Variants in SMARCC1 observed in about 807,000 individuals in gnomAD.
SMARCC1 encodes SWI/SNF complex subunit SMARCC1.
A neutral mutation model predicts 147.4 loss-of-function variants in SMARCC1; 43 were observed. The ratio of observed to expected loss-of-function variants is 0.29; its 90% CI spans 0.23 to 0.38. The LOEUF is 0.38. Among genes scored for constraint, SMARCC1 ranks in the 10% least tolerant of loss-of-function variants. The pLI is 1.00. For synonymous variants in SMARCC1, 495 were observed against 484.4 expected, an observed-to-expected ratio of 1.02 and a Z score of -0.29; for missense variants, 1,119 against 1,381.1, an observed-to-expected ratio of 0.81 and a Z score of 3.01.
intron 2 of SMARCC1, among the ~76,000 whole-genome samples, chr3:47,758,792 G>T (rs1464302231): frequency 6.6e-6 from 1 of 152,076 alleles, no homozygotes; most frequent in East Asian, 1.9e-4. Context: ...CCTACGTTTT[G>T]GGAGGCTGAG....
intron 2 of SMARCC1, among the ~76,000 whole-genome samples, chr3:47,750,467 T>C (rs2034617048): frequency 6.6e-6 from 1 of 152,062 alleles, no homozygotes; most frequent in Admixed American, 6.6e-5. Flanking sequence ...AATAGACTAA[T>C]GTAATAGGTG....
At chr3:47,780,213 C>T (rs1430016940) in intron 1 of SMARCC1, among the ~76,000 whole-genome samples, 1 of 90,828 alleles carries the variant, frequency 1.1e-5, no homozygotes, top group African/African-American at 4.2e-5. Flanking sequence ...ACTTTATTAC[C>T]TAGGCTGGAG....
Position 47,706,504 on chromosome 3 carries a change from A to C in SMARCC1, c.945T>G (p.Asp315Glu), listed in dbSNP as rs189534174. The C allele has an allele frequency of 1.3e-6, 2 of 1,583,258 alleles. No individual in the cohort carries two copies. Among genetic ancestry groups the C allele is most frequent in the Non-Finnish European group, 1.7e-6 (2 of 1,168,178 alleles). The part of the protein sequence containing the change: ...EEPVRSPERR[D>E]RKASANARKR... ...TTCGAGCATTAGCTGATGCTTTTCT[A>C]TCTCTTCTTTCTGGACTTCTGACTG... The change falls in exon 10 of 28, where the codon GAT becomes GAG. Residue 315 changes from aspartate (D) to glutamate (E), a missense_variant. Asp to Glu is a conservative substitution (Grantham distance 45, BLOSUM62 2). Transcript: ENST00000254480.
chr3:47,755,054 A>C (rs1044367663), intron 2 of SMARCC1, among the ~76,000 whole-genome samples: 1 of 151,362 alleles, frequency 6.6e-6, no homozygotes, highest in Admixed American at 6.6e-5. Context: ...AAAATAAATA[A>C]ATAAAAATTA....
At chr3:47,601,045 G>C (rs1206437802) in intron 26 of SMARCC1, among the ~76,000 whole-genome samples, 1 of 138,630 alleles carries the variant, frequency 7.2e-6, no homozygotes, top group African/African-American at 2.6e-5. Flanking sequence ...GAGAGAGAGA[G>C]AGACATGGCA....
intron 3 of SMARCC1, among the ~76,000 whole-genome samples, chr3:47,741,513 T>C (rs763056228): frequency 6.6e-6 from 1 of 151,176 alleles, no homozygotes; most frequent in Non-Finnish European, 1.5e-5. Context: ...TATTCATATG[T>C]GGATTTTCTT....
intron 21 of SMARCC1, among the ~76,000 whole-genome samples, chr3:47,654,225 C>A (rs865825903): frequency 1.3e-5 from 2 of 152,052 alleles, no homozygotes; most frequent in Non-Finnish European, 2.9e-5. Context: ...AACCAAAAGA[C>A]CCTACAAATG....
At chr3:47,633,395 G>C (rs953890095) in intron 24 of SMARCC1, among the ~76,000 whole-genome samples, 7 of 152,008 alleles carry the variant, frequency 4.6e-5, no homozygotes, top group African/African-American at 1.7e-4. Flanking sequence ...TTGCAGGTTT[G>C]AAGACTGAGG....
intron 8 of SMARCC1, 52 bp downstream of exon 8, chr3:47,714,362 CA>C (rs1041649022): frequency 8.3e-5 from 94 of 1,134,128 alleles, no homozygotes; most frequent in Admixed American, 1.3e-4. Context: ...GACGCCATCT[CA>C]AAAAAAATTT....
At chr3:47,671,041 C>A (rs914179434) in intron 18 of SMARCC1, among the ~76,000 whole-genome samples, 2 of 151,326 alleles carry the variant, frequency 1.3e-5, no homozygotes, top group African/African-American at 4.9e-5. Context: ...AAAAATTAGC[C>A]GAGAGTGGTG....
chr3:47,649,944 T>C (rs2033165528), intron 21 of SMARCC1, among the ~76,000 whole-genome samples: 1 of 152,182 alleles, frequency 6.6e-6, no homozygotes, highest in Non-Finnish European at 1.5e-5. Context: ...GGTGGACTAT[T>C]TAGGCTACAA....
intron 9 of SMARCC1, among the ~76,000 whole-genome samples, chr3:47,707,694 T>C (rs2106794582): frequency 6.6e-6 from 1 of 152,128 alleles, no homozygotes; most frequent in Admixed American, 6.6e-5. Flanking sequence ...GGAAACATAG[T>C]AAGACCTTGT....
Position 47,629,174 on chromosome 3 carries a change from G to A in SMARCC1, c.2646+6016C>T, listed in dbSNP as rs143786388. On this transcript the variant is annotated intron_variant, in intron 24 of 27. Transcript: ENST00000254480. ...AATTCAAACCCTCCTTGAACAGAGTGCAGTTAACCTTGATGTGTCTCACCC... is the reference window on the plus strand; with the variant it reads ...AATTCAAACCCTCCTTGAACAGAGTACAGTTAACCTTGATGTGTCTCACCC... Among the ~76,000 whole-genome samples, 31 of 152,256 alleles carry A rather than the reference G, an allele frequency of 2.0e-4. No homozygotes were observed. The East Asian group carries it at 5.4e-3, about 27-fold the overall frequency.
intron 14 of SMARCC1, among the ~76,000 whole-genome samples, chr3:47,684,634 G>T (rs2033699022): frequency 6.6e-6 from 1 of 151,890 alleles, no homozygotes; most frequent in Non-Finnish European, 1.5e-5. Flanking sequence ...ATAGAGACGG[G>T]GTTTCACCAG....
intron 14 of SMARCC1, among the ~76,000 whole-genome samples, chr3:47,685,417 TA>T (rs557209002): frequency 7.2e-5 from 11 of 152,194 alleles, no homozygotes; most frequent in Non-Finnish European, 1.3e-4. Flanking sequence ...TATAATAATT[TA>T]AAACATTTTA....
At chr3:47,717,500 A>C (rs1002805837) in intron 7 of SMARCC1, among the ~76,000 whole-genome samples, 1 of 152,204 alleles carries the variant, frequency 6.6e-6, no homozygotes, top group Non-Finnish European at 1.5e-5. Flanking sequence ...ATTTTATCTA[A>C]ATTCTAATTC....
chr3:47,772,419 G>GC (rs1437427912), intron 2 of SMARCC1, among the ~76,000 whole-genome samples: 1 of 152,040 alleles, frequency 6.6e-6, no homozygotes, highest in Non-Finnish European at 1.5e-5. Context: ...ACACACAATT[G>GC]CAAGGACACC....
chr3:47,759,737 C>T (rs1198899437), intron 2 of SMARCC1, among the ~76,000 whole-genome samples: 2 of 151,138 alleles, frequency 1.3e-5, no homozygotes, highest in Non-Finnish European at 2.9e-5. Context: ...GAGTTCAAGA[C>T]CAGCCTGGCC....
At chr3:47,675,394 T>C in intron 18 of SMARCC1, 81 bp downstream of exon 18, 1 of 654,692 alleles carries the variant, frequency 1.5e-6, no homozygotes, top group Non-Finnish European at 2.7e-6. Context: ...ACCATCAGAT[T>C]TGAGTAGAAA....
Sources: allele counts gnomAD v4.1 joint callset (sites outside exome capture counted in the v4.1 genomes callset), GRCh38; gene constraint gnomAD v4.1.1; transcripts MANE v1.5; gene names NCBI Gene and HGNC (gene_info 2026-07-23, HGNC 2026-07-21).